The following PCDH10 variants were observed in gnomAD, a reference collection of about 807,000 sequenced individuals.
The protein encoded by PCDH10 is protocadherin-10.
Under a neutral mutation model 74.4 loss-of-function variants are expected in PCDH10, and 15 were observed. The ratio of observed to expected loss-of-function variants is 0.20; its 90% CI spans 0.13 to 0.31. The LOEUF is 0.31. Ranked by LOEUF, PCDH10 falls within the 10% of genes least tolerant of loss-of-function variation. The pLI is 1.00. For synonymous variants in PCDH10, 619 were observed against 589.8 expected (o/e 1.05, Z -0.72); for missense variants, 1,260 against 1,390.2 (o/e 0.91, Z 1.49).
intron 3 of PCDH10, among the ~76,000 whole-genome samples, chr4:133,160,033 A>C (rs1578562123): frequency 6.6e-6 from 1 of 152,044 alleles, no homozygotes; most frequent in Non-Finnish European, 1.5e-5. Flanking sequence ...GAGGAATCGT[A>C]ATGGAATAAA....
At chr4:133,201,135 C>T (rs1191535334) in intron 2 of PCDH10, among the ~76,000 whole-genome samples, 1 of 152,090 alleles carries the variant, frequency 6.6e-6, no homozygotes. Context: ...GAACAAACTG[C>T]TGCATCACCA....
intron 4 of PCDH10, among the ~76,000 whole-genome samples, chr4:133,176,323 C>T (rs1727295200): frequency 6.6e-6 from 1 of 152,108 alleles, no homozygotes; most frequent in East Asian, 1.9e-4. Context: ...ATTTCTTTAA[C>T]CTTCCTATAA....
chr4:133,186,743 A>C (rs1336727571), intron 4 of PCDH10, among the ~76,000 whole-genome samples: 1 of 152,112 alleles, frequency 6.6e-6, no homozygotes, highest in Non-Finnish European at 1.5e-5. Flanking sequence ...TTTGAGGCAG[A>C]GCCTTGCTCT....
intron 3 of PCDH10, among the ~76,000 whole-genome samples, chr4:133,156,372 G>A (rs1726864052): frequency 6.6e-6 from 1 of 152,242 alleles, no homozygotes; most frequent in Non-Finnish European, 1.5e-5. Flanking sequence ...AATGAGACTT[G>A]AGAACTGCCA....
In PCDH10 at chr4:133,150,704, A is replaced by T. The variant is rs1197775104; in HGVS notation, c.564A>T (p.Pro188=). Residue 188 remains proline (P), a synonymous_variant, in exon 1 of 5, where the codon CCA becomes CCT. Coordinates refer to ENST00000264360, the MANE Select transcript of PCDH10 (RefSeq NM_032961.3). The part of the protein sequence containing the change: ...NRFAELVLEK[P]LDREQQAVHR... ...TCGCTGAGCTGGTGCTGGAGAAGCC[A>T]CTGGACCGAGAGCAGCAAGCGGTGC... is the stretch of plus-strand genomic sequence containing the variant. 1 of 1,611,986 alleles carries T rather than the reference A, an allele frequency of 6.2e-7. No homozygotes were observed. Among genetic ancestry groups the T allele is most frequent in the South Asian group, 1.1e-5 (1 of 90,966 alleles).
chr4:133,155,659 C>T (rs1442277527), intron 3 of PCDH10, among the ~76,000 whole-genome samples: 1 of 152,116 alleles, frequency 6.6e-6, no homozygotes, highest in African/African-American at 2.4e-5. Flanking sequence ...CAACAGGGTC[C>T]ATGACACATC....
intron 4 of PCDH10, among the ~76,000 whole-genome samples, chr4:133,174,096 G>A (rs921895387): frequency 5.9e-5 from 9 of 151,752 alleles, no homozygotes; most frequent in Non-Finnish European, 1.2e-4. Context: ...TTGGTATCAC[G>A]TCATCCTCTA....
intron 2 of PCDH10, among the ~76,000 whole-genome samples, chr4:133,205,829 T>G (rs1043595113): frequency 2.0e-5 from 3 of 152,188 alleles, no homozygotes; most frequent in Non-Finnish European, 2.9e-5. Context: ...AGAATGTTCC[T>G]CTTTTAAAGT....
intron 4 of PCDH10, among the ~76,000 whole-genome samples, chr4:133,173,382 C>T (rs927949124): frequency 3.1e-4 from 47 of 151,920 alleles, no homozygotes; most frequent in African/African-American, 9.9e-4. Context: ...CTATATAGTC[C>T]TGTGAGATTT....
rs896229646 is a variant in PCDH10, at chr4:133,192,107, G to A, written c.*1947G>A. On this transcript the variant is annotated 3_prime_UTR_variant, in exon 5 of 5. Transcript: ENST00000264360. ...CAATCAGTTCATATATCAAAATAAT[G>A]TATGTAATGTTCCAGCCTTTTGAAG... The A allele has an allele frequency of 6.6e-6, 1 of 151,306 alleles. No individual in the cohort carries two copies. The highest frequency in any genetic ancestry group is 1.5e-5 in the Non-Finnish European group (1 of 67,592). The allele number at this position is 151,306 out of a possible 1,614,324, so 9.4% of individuals were successfully genotyped here. A position where few individuals can be genotyped will look rare whatever the true frequency, so the allele number is the denominator to read the frequency against.
At chr4:133,203,797 G>C (rs1226673711) in intron 2 of PCDH10, among the ~76,000 whole-genome samples, 1 of 152,154 alleles carries the variant, frequency 6.6e-6, no homozygotes, top group Non-Finnish European at 1.5e-5. Context: ...AAAATGTTGG[G>C]AGCCTAGCAG....
At chr4:133,201,268 T>A (rs1211140933) in intron 2 of PCDH10, among the ~76,000 whole-genome samples, 1 of 152,158 alleles carries the variant, frequency 6.6e-6, no homozygotes, top group Non-Finnish European at 1.5e-5. Flanking sequence ...TAGGAAGGCA[T>A]GTAAAGGATA....
At chr4:133,187,009 T>C (rs1727557093) in intron 4 of PCDH10, among the ~76,000 whole-genome samples, 1 of 152,106 alleles carries the variant, frequency 6.6e-6, no homozygotes, top group Non-Finnish European at 1.5e-5. Flanking sequence ...TGAGCCACCG[T>C]GCCCAGCCAA....
At chr4:133,207,934 G>A (rs1728039969) in intron 2 of PCDH10, 1 of 152,018 alleles carries the variant, frequency 6.6e-6, no homozygotes, top group Non-Finnish European at 1.5e-5. Context: ...AATGTAGGTG[G>A]GATTAGTAAA....
chr4:133,176,731 G>A (rs1366962294), intron 4 of PCDH10, among the ~76,000 whole-genome samples: 2 of 152,070 alleles, frequency 1.3e-5, no homozygotes, highest in Non-Finnish European at 2.9e-5. Flanking sequence ...GCTCAGCAAA[G>A]ATTAAGCTTT....
chr4:133,174,003 T>A (rs78976923), intron 4 of PCDH10, among the ~76,000 whole-genome samples: 60 of 152,064 alleles, frequency 3.9e-4, no homozygotes, highest in African/African-American at 1.4e-3. Flanking sequence ...CGAAGTCAGT[T>A]TACTCTAGAT....
At position 133,190,122 on chromosome 4, in the gene PCDH10, T is replaced by C. The variant is rs1167549176; in HGVS notation, c.3104-19T>C. On this transcript the variant is annotated intron_variant, in intron 4 of 4. Coordinates refer to ENST00000264360, the MANE Select transcript of PCDH10 (RefSeq NM_032961.3). Reference sequence around the variant, plus strand: ...AGTCAACCTCTTTTTCTTAGAGTATTTTTCTTTCTTTTTCACAGCACGGAA... The same window carrying C: ...AGTCAACCTCTTTTTCTTAGAGTATCTTTCTTTCTTTTTCACAGCACGGAA... The C allele has an allele frequency of 3.7e-6, 6 of 1,601,780 alleles. No homozygotes were observed. The highest frequency in any genetic ancestry group is 5.1e-6 in the Non-Finnish European group (6 of 1,168,990).
chr4:133,178,495 C>A (rs755255774), intron 4 of PCDH10, among the ~76,000 whole-genome samples: 2 of 151,924 alleles, frequency 1.3e-5, no homozygotes, highest in Non-Finnish European at 2.9e-5. Flanking sequence ...CTTGGCCTCC[C>A]AAAGTGCTGG....
At chr4:133,158,049 T>C (rs966241201) in intron 3 of PCDH10, among the ~76,000 whole-genome samples, 15 of 152,146 alleles carry the variant, frequency 9.9e-5, no homozygotes, top group African/African-American at 3.6e-4. Context: ...GAACTATTGA[T>C]GTATTGGTTA....
Sources: allele counts gnomAD v4.1 joint callset (sites outside exome capture counted in the v4.1 genomes callset), GRCh38; gene constraint gnomAD v4.1.1; transcripts MANE v1.5; gene names NCBI Gene and HGNC (gene_info 2026-07-23, HGNC 2026-07-21).